Variants in HFM1 observed in about 807,000 individuals in gnomAD.
HFM1 encodes the protein helicase for meiosis 1, also known as probable ATP-dependent DNA helicase HFM1.
A neutral mutation model predicts 192.1 loss-of-function variants in HFM1; 169 were observed. The ratio of observed to expected loss-of-function variants is 0.88; its 90% CI spans 0.78 to 1.00. The LOEUF (loss-of-function observed/expected upper bound fraction) is 1.00, where lower values mean the gene tolerates loss of function less well. HFM1 is among the 50% of genes least tolerant of loss of function. HFM1 has a pLI of 0.00. For missense variants in HFM1, 1,661 were observed against 1,668.0 expected, an observed-to-expected ratio of 1.00 and a Z score of 0.07; for synonymous variants, 525 against 537.8, an observed-to-expected ratio of 0.98 and a Z score of 0.33.
chr1:91,262,490 A>C lies in HFM1; in HGVS notation c.4077T>G (p.Asn1359Lys). ...SMTKLPQQAG[N>K]AVIVHFQERK... ...AAGTGCTTCTTCTTACAATAACTGCATTTCCGGCTTGTTGAGGTAATTTTG... is the reference window on the plus strand; with the variant it reads ...AAGTGCTTCTTCTTACAATAACTGCCTTTCCGGCTTGTTGAGGTAATTTTG... The change falls in exon 37 of 39, where the codon AAT becomes AAG. Residue 1359 changes from asparagine to lysine, a missense_variant. By Grantham distance (94) the Asn-to-Lys change is moderately conservative. Coordinates refer to ENST00000370425, the MANE Select transcript of HFM1 (RefSeq NM_001017975.6). The C allele has an allele frequency of 6.3e-7, 1 of 1,596,932 alleles. No individual in the cohort carries two copies. Among genetic ancestry groups the C allele is most frequent in the Non-Finnish European group, 8.6e-7 (1 of 1,166,712 alleles).
chr1:91,394,419 T>C lies in HFM1; in HGVS notation c.185-17A>G, dbSNP rs1336582794. ...TTTCCTGACCTACAAAAAAGGAATA[T>C]CTTAATTATTACATGTTCTCCATTA... On this transcript the variant is annotated splice_polypyrimidine_tract_variant and intron_variant, in intron 3 of 38. Transcript: ENST00000370425. 1 of 1,318,040 alleles carries C rather than the reference T, an allele frequency of 7.6e-7. No individual in the cohort carries two copies. Among genetic ancestry groups the C allele is most frequent in the African/African-American group, 1.5e-5 (1 of 67,900 alleles). 81.6% of individuals were successfully genotyped at this position (1,318,040 alleles called of 1,614,324 possible).
chr1:91,336,640 A>C (rs1654609385), intron 20 of HFM1, among the ~76,000 whole-genome samples: 1 of 152,212 alleles, frequency 6.6e-6, no homozygotes, highest in Non-Finnish European at 1.5e-5. Context: ...GTGGGAGTGT[A>C]AATAAGTTCA....
chr1:91,308,694 T>C (rs892534710), intron 30 of HFM1, among the ~76,000 whole-genome samples: 32 of 152,278 alleles, frequency 2.1e-4, no homozygotes, highest in African/African-American at 7.2e-4. Context: ...TGTGTCACCA[T>C]GTCTGGCTTG....
chr1:91,285,614 C>T (rs1291733732), intron 30 of HFM1, among the ~76,000 whole-genome samples: 1 of 152,076 alleles, frequency 6.6e-6, no homozygotes. Flanking sequence ...TATAAATTTG[C>T]ATATAAAAAT....
chr1:91,328,684 G>C, intron 20 of HFM1: 1 of 1,598,998 alleles, frequency 6.3e-7, no homozygotes, highest in Non-Finnish European at 8.5e-7. Context: ...CAAATGCAGT[G>C]AACTGCGGGG....
In HFM1 at chr1:91,375,680, T is replaced by C; in HGVS notation, c.1443A>G (p.Lys481=). The change falls in exon 12 of 39, where the codon AAA becomes AAG. Residue 481 remains lysine (K), a synonymous_variant. Transcript: ENST00000370425. ...SDGERPAVCL[K]MDESHRPVKL... ...TCACTGGTCTATGGCTCTCATCCAT[T>C]TTCAGACACACAGCTGGTCTTTCAC... The C allele has an allele frequency of 1.2e-6, 2 of 1,613,362 alleles. No individual in the cohort carries two copies. Among genetic ancestry groups the C allele is most frequent in the Non-Finnish European group, 8.5e-7 (1 of 1,179,508 alleles).
chr1:91,370,637 C>G (rs530172735), intron 13 of HFM1, among the ~76,000 whole-genome samples: 214 of 152,246 alleles, frequency 1.4e-3, no homozygotes, highest in African/African-American at 4.7e-3. Flanking sequence ...CAATATCATA[C>G]TGAATGGGCA....
chr1:91,351,234 A>T (rs1255178500), intron 17 of HFM1, among the ~76,000 whole-genome samples: 1 of 151,922 alleles, frequency 6.6e-6, no homozygotes, highest in Admixed American at 6.6e-5. Flanking sequence ...ATTACAAATT[A>T]GTAATTATAA....
chr1:91,302,440 T>G (rs1456388959), intron 30 of HFM1, among the ~76,000 whole-genome samples: 1 of 152,024 alleles, frequency 6.6e-6, no homozygotes, highest in Non-Finnish European at 1.5e-5. Flanking sequence ...TGGGTATATA[T>G]CCAAAGGATT....
chr1:91,401,489 T>C (rs12756869), intron 1 of HFM1, among the ~76,000 whole-genome samples: 30,773 of 152,186 alleles, frequency 0.2, 3,805 homozygotes, highest in South Asian at 0.35. Context: ...GGGCTCTTAA[T>C]ACTTTGTTCA....
intron 2 of HFM1, among the ~76,000 whole-genome samples, chr1:91,399,216 T>C (rs1446540999): frequency 2.0e-5 from 3 of 152,126 alleles, no homozygotes; most frequent in Non-Finnish European, 4.4e-5. Context: ...TTCCCAAAGA[T>C]TTTCTCCTCC....
chr1:91,303,422 A>G (rs1649137421), intron 30 of HFM1, among the ~76,000 whole-genome samples: 1 of 152,158 alleles, frequency 6.6e-6, no homozygotes, highest in Admixed American at 6.5e-5. Flanking sequence ...CAGTTGATAG[A>G]TATTTGGGTT....
chr1:91,283,427 A>G (rs753482002), intron 30 of HFM1, among the ~76,000 whole-genome samples: 1 of 152,086 alleles, frequency 6.6e-6, no homozygotes, highest in Non-Finnish European at 1.5e-5. Context: ...TATTTTTTGT[A>G]GAGACAGGGT....
chr1:91,351,965 G>A (rs2101733453), intron 16 of HFM1, among the ~76,000 whole-genome samples: 2 of 151,956 alleles, frequency 1.3e-5, no homozygotes, highest in Middle Eastern at 6.8e-3. Context: ...TGAAATTGTA[G>A]AACTGTACAA....
chr1:91,324,228 T>C (rs1652550353), intron 21 of HFM1, among the ~76,000 whole-genome samples: 1 of 152,218 alleles, frequency 6.6e-6, no homozygotes, highest in African/African-American at 2.4e-5. Flanking sequence ...TTGTTCTCAC[T>C]GTTCTCACCC....
intron 9 of HFM1, 133 bp downstream of exon 9, chr1:91,378,930 T>A (rs1160583516): frequency 5.3e-6 from 3 of 562,478 alleles, no homozygotes. Context: ...ATTGTAGTAT[T>A]TTTTTAATGT....
intron 35 of HFM1, 57 bp downstream of exon 35, chr1:91,267,688 A>C (rs1665898852): frequency 1.3e-6 from 1 of 799,038 alleles, no homozygotes; most frequent in Non-Finnish European, 2.0e-6. Flanking sequence ...AGGAGCTGAA[A>C]TGAAAAATAT....
chr1:91,271,887 G>C (rs1487315550), intron 34 of HFM1, among the ~76,000 whole-genome samples: 1 of 152,108 alleles, frequency 6.6e-6, no homozygotes, highest in Non-Finnish European at 1.5e-5. Flanking sequence ...AATTAGATAT[G>C]AAATTTTTGG....
At chr1:91,383,952 A>G (rs940233720) in intron 6 of HFM1, among the ~76,000 whole-genome samples, 6 of 152,096 alleles carry the variant, frequency 3.9e-5, no homozygotes, top group Non-Finnish European at 8.8e-5. Flanking sequence ...TTATTTGTCA[A>G]TTATACCTCA....
Sources: gnomAD v4.1 joint callset for allele counts (sites outside exome capture counted in the v4.1 genomes callset) on GRCh38, gnomAD v4.1.1 for gene constraint, MANE v1.5 for transcripts, NCBI Gene and HGNC (gene_info 2026-07-23, HGNC 2026-07-21) for gene names.